Variants in FAT3 observed in about 807,000 individuals in gnomAD.
FAT3 encodes FAT atypical cadherin 3, also known as protocadherin Fat 3.
FAT3 carries 95 observed loss-of-function variants against 310.2 expected under a neutral mutation model. The ratio of observed to expected loss-of-function variants is 0.31; its 90% CI spans 0.26 to 0.36. FAT3 has a LOEUF of 0.36. FAT3 is among the 10% of genes least tolerant of loss of function. The pLI is 1.00. For missense variants in FAT3, 5,408 were observed against 5,715.6 expected (o/e 0.95, Z 1.74); for synonymous variants, 2,314 against 2,192.9 (o/e 1.06, Z -1.54).
intron 3 of FAT3, among the ~76,000 whole-genome samples, chr11:92,683,972 T>A (rs1412414394): frequency 6.6e-6 from 1 of 152,170 alleles, no homozygotes; most frequent in East Asian, 1.9e-4. Context: ...ACATGTAGCA[T>A]CGACATGTAC....
intron 3 of FAT3, among the ~76,000 whole-genome samples, chr11:92,553,169 G>A (rs1954880928): frequency 6.6e-6 from 1 of 152,052 alleles, no homozygotes; most frequent in Admixed American, 6.6e-5. Flanking sequence ...TTACAATAAT[G>A]CTGCGAAAAA....
At chr11:92,733,864 T>C (rs1211806936) in intron 4 of FAT3, among the ~76,000 whole-genome samples, 1 of 152,242 alleles carries the variant, frequency 6.6e-6, no homozygotes, top group African/African-American at 2.4e-5. Flanking sequence ...TAAATACTTC[T>C]TGATATTCTT....
chr11:92,882,984 CAAG>C lies in FAT3; in HGVS notation c.12532_12534del (p.Lys4178del), dbSNP rs1356899364. On this transcript the variant is annotated inframe_deletion, in exon 24 of 28. Transcript: ENST00000525166. The stretch of plus-strand genomic sequence containing the variant: ...TGGTGGTTCTCTTCATAGTCTTCCG[CAAG>C]AAGGTCTTCCGCAAGAACTACTCCC... The C allele has an allele frequency of 1.9e-6, 3 of 1,613,810 alleles. No homozygotes were observed. The African/African-American group carries it at 4.0e-5, about 22-fold the overall frequency.
intron 3 of FAT3, among the ~76,000 whole-genome samples, chr11:92,689,910 G>C (rs1349770265): frequency 6.6e-6 from 1 of 152,116 alleles, no homozygotes; most frequent in Non-Finnish European, 1.5e-5. Flanking sequence ...AAGTGGACTT[G>C]ACCCAAATGC....
intron 3 of FAT3, among the ~76,000 whole-genome samples, chr11:92,659,910 G>T (rs1942719850): frequency 6.6e-6 from 1 of 152,118 alleles, no homozygotes; most frequent in South Asian, 2.1e-4. Context: ...CTCTCTGAGG[G>T]AAGTTGAAAA....
intron 2 of FAT3, among the ~76,000 whole-genome samples, chr11:92,442,404 C>T (rs1382877617): frequency 2.7e-5 from 4 of 150,408 alleles, no homozygotes; most frequent in Admixed American, 6.6e-5. Context: ...TGAGCCACCG[C>T]GCCTGGCCAG....
intron 1 of FAT3, among the ~76,000 whole-genome samples, chr11:92,269,029 G>T (rs544602178): frequency 6.6e-6 from 1 of 152,224 alleles, no homozygotes; most frequent in East Asian, 1.9e-4. Flanking sequence ...TGCAGAATCA[G>T]CTCCTTTTCC....
chr11:92,887,890 A>G (rs1315843397), intron 25 of FAT3, among the ~76,000 whole-genome samples: 1 of 152,360 alleles, frequency 6.6e-6, no homozygotes, highest in Middle Eastern at 3.4e-3. Context: ...AATAATTTCA[A>G]ACAGTCATCC....
chr11:92,608,737 A>G (rs1940423297), intron 3 of FAT3, among the ~76,000 whole-genome samples: 1 of 151,172 alleles, frequency 6.6e-6, no homozygotes, highest in South Asian at 2.1e-4. Context: ...AATAATAATA[A>G]TAATAATACT....
At chr11:92,424,578 G>C (rs1398069703) in intron 2 of FAT3, among the ~76,000 whole-genome samples, 1 of 152,136 alleles carries the variant, frequency 6.6e-6, no homozygotes, top group East Asian at 1.9e-4. Flanking sequence ...TTGCAGTCTA[G>C]TAGTAGACTG....
intron 2 of FAT3, among the ~76,000 whole-genome samples, chr11:92,397,702 A>G (rs1251535951): frequency 4.0e-5 from 6 of 151,350 alleles, no homozygotes; most frequent in African/African-American, 1.5e-4. Flanking sequence ...CTTTTTCCAG[A>G]AACTGCCTTC....
intron 1 of FAT3, among the ~76,000 whole-genome samples, chr11:92,240,933 C>A (rs902363256): frequency 1.3e-5 from 2 of 151,968 alleles, no homozygotes; most frequent in African/African-American, 2.4e-5. Context: ...GAATCCCCCC[C>A]ATGCCCCCCT....
intron 2 of FAT3, among the ~76,000 whole-genome samples, chr11:92,443,179 A>G (rs1951119573): frequency 6.6e-6 from 1 of 152,226 alleles, no homozygotes; most frequent in Non-Finnish European, 1.5e-5. Flanking sequence ...TAAGTCAATG[A>G]GAGAAAAATC....
rs188576892 is a variant in FAT3, at chr11:92,645,092, T to C, written c.3608-52292T>C. Among the ~76,000 whole-genome samples the C allele has an allele frequency of 1.1e-3, 160 of 152,350 alleles. 1 individual carries two copies. Among genetic ancestry groups the C allele is most frequent in the African/African-American group, 3.8e-3 (156 of 41,578 alleles). Reference sequence around the variant, plus strand: ...TATACTTCAGTCCATGTTAAGAAGTTTTCTGAGTAGATGGCAAAGAACAAT... The same window carrying C: ...TATACTTCAGTCCATGTTAAGAAGTCTTCTGAGTAGATGGCAAAGAACAAT... On this transcript the variant is annotated intron_variant, in intron 3 of 27. Coordinates refer to ENST00000525166, the MANE Select transcript of FAT3 (RefSeq NM_001367949.2).
At chr11:92,453,760 A>G (rs1008609212) in intron 2 of FAT3, among the ~76,000 whole-genome samples, 14 of 152,156 alleles carry the variant, frequency 9.2e-5, no homozygotes, top group African/African-American at 3.1e-4. Context: ...ACAACTGTTA[A>G]TTGTCTAGGT....
chr11:92,320,047 C>T (rs556388152), intron 1 of FAT3, among the ~76,000 whole-genome samples: 82 of 152,208 alleles, frequency 5.4e-4, no homozygotes, highest in African/African-American at 2.0e-3. Context: ...TGCAGTAGTT[C>T]CCAAATTTAG....
Position 92,697,428 on chromosome 11 carries a change from G to A in FAT3, c.3652G>A (p.Ala1218Thr). The change falls in exon 4 of 28, where the codon GCA (alanine) becomes ACA (threonine). Residue 1218 changes from alanine to threonine, a missense_variant. Ala to Thr is a moderately conservative substitution (Grantham distance 58). Around this residue, in one of 5 missense-constraint regions of FAT3, gnomAD observed 4,588 missense variants for 4,809.8 expected, o/e 0.95. Transcript: ENST00000525166. ...AAGGAAATTGGATCGAGAACAGCAG[G>A]CAGAACATTTTCTGGAGGTAAGCGC... The part of the protein sequence containing the change: ...TSRKLDREQQ[A>T]EHFLEVTVTD... 3 of 1,613,826 alleles carry A rather than the reference G, an allele frequency of 1.9e-6. No individual in the cohort carries two copies. The highest frequency in any genetic ancestry group is 2.5e-6 in the Non-Finnish European group (3 of 1,179,812).
chr11:92,293,536 AT>A (rs1946762070), intron 1 of FAT3, among the ~76,000 whole-genome samples: 1 of 79,506 alleles, frequency 1.3e-5, no homozygotes, highest in African/African-American at 5.1e-5. Flanking sequence ...ATATATATAT[AT>A]ATATATATAT....
At chr11:92,625,760 G>T (rs550757702) in intron 3 of FAT3, among the ~76,000 whole-genome samples, 14 of 150,708 alleles carry the variant, frequency 9.3e-5, no homozygotes, top group African/African-American at 2.9e-4. Context: ...TTTTGAACAG[G>T]ATAGTCAATA....
Sources: allele counts gnomAD v4.1 joint callset (sites outside exome capture counted in the v4.1 genomes callset), GRCh38; gene constraint gnomAD v4.1.1; regional missense constraint gnomAD v4.1.1; transcripts MANE v1.5; gene names NCBI Gene and HGNC (gene_info 2026-07-23, HGNC 2026-07-21).